Variants in SGSM1 observed in about 807,000 individuals in gnomAD.
SGSM1 encodes RUN and TBC1 domain containing 2.
Under a neutral mutation model 133.8 loss-of-function variants are expected in SGSM1, and 73 were observed. That is an observed-to-expected ratio of 0.55 (90% confidence interval 0.45 to 0.66). The LOEUF is 0.66. Ranked by LOEUF, SGSM1 falls within the 30% of genes least tolerant of loss-of-function variation. The pLI is 0.00. For missense variants in SGSM1, 1,213 were observed against 1,448.1 expected (o/e 0.84, Z 2.64); for synonymous variants, 563 against 573.0 (o/e 0.98, Z 0.25).
intron 2 of SGSM1, among the ~76,000 whole-genome samples, chr22:24,809,150 C>A (rs1009046524): frequency 6.6e-6 from 1 of 152,200 alleles, no homozygotes; most frequent in Non-Finnish European, 1.5e-5. Flanking sequence ...CCCCAAAGCA[C>A]GTCTCCCCTG....
chr22:24,900,376 TTTCTTTCTTTC>T (rs1933098208), intron 19 of SGSM1, among the ~76,000 whole-genome samples: 1 of 72,106 alleles, frequency 1.4e-5, no homozygotes, highest in South Asian at 5.0e-4. Context: ...TCTTTCTTTC[TTTCTTTCTTTC>T]TTTCTTTCTT....
chr22:24,837,586 C>CG (rs1555922707), intron 2 of SGSM1, among the ~76,000 whole-genome samples: 27,295 of 74,028 alleles, frequency 0.37, 3,371 homozygotes, highest in Middle Eastern at 0.42. Context: ...AGACCCCCCC[C>CG]CCCCCTTTCC....
chr22:24,847,821 G>T (rs1245411919), intron 4 of SGSM1, 25 bp downstream of exon 4: 2 of 1,609,098 alleles, frequency 1.2e-6, no homozygotes. Context: ...TGGGGCACAG[G>T]TGGGAGCAGC....
intron 8 of SGSM1, 121 bp from the exon 9 acceptor site, chr22:24,859,595 C>A (rs759152736): frequency 7.2e-7 from 1 of 1,392,594 alleles, no homozygotes; most frequent in Non-Finnish European, 9.9e-7. Flanking sequence ...TGGCCAGGGC[C>A]TTGAAGGGAT....
chr22:24,852,841 A>G (rs985275594), intron 5 of SGSM1, among the ~76,000 whole-genome samples: 1 of 152,130 alleles, frequency 6.6e-6, no homozygotes, highest in Non-Finnish European at 1.5e-5. Context: ...AAACTGGGTG[A>G]TGGCAAAGTG....
intron 15 of SGSM1, among the ~76,000 whole-genome samples, chr22:24,884,466 C>T (rs1456598157): frequency 1.3e-5 from 2 of 152,158 alleles, no homozygotes; most frequent in Non-Finnish European, 2.9e-5. Flanking sequence ...TATTATTAAG[C>T]ATCAGCTGGG....
chr22:24,840,029 G>A (rs569585103), intron 2 of SGSM1, among the ~76,000 whole-genome samples: 3 of 142,090 alleles, frequency 2.1e-5, no homozygotes, highest in East Asian at 2.1e-4. Flanking sequence ...TGCAAGCTCC[G>A]CCTCCCAGGT....
intron 21 of SGSM1, among the ~76,000 whole-genome samples, chr22:24,908,488 A>C (rs943379808): frequency 1.3e-5 from 2 of 152,176 alleles, no homozygotes; most frequent in Non-Finnish European, 2.9e-5. Flanking sequence ...ATATATAAAC[A>C]ACTCTTACAA....
At chr22:24,886,259 G>GTA (rs1717474432) in intron 15 of SGSM1, among the ~76,000 whole-genome samples, 1 of 151,100 alleles carries the variant, frequency 6.6e-6, no homozygotes, top group African/African-American at 2.4e-5. Flanking sequence ...AAATTAGCTG[G>GTA]ATGTGGTGGC....
rs377645874 is a variant in SGSM1, at chr22:24,874,504, G to A, written c.1292-2073G>A. The stretch of plus-strand genomic sequence containing the variant: ...TGCAGGCCGGTCCATGCTGGTGGTG[G>A]CCAGAGGGAGTCAGTGGGAGCCAGC... On this transcript the variant is annotated intron_variant, in intron 12 of 24. Transcript: ENST00000400358. 2.4e-5 allele frequency: 38 copies of A among 1,613,098 alleles called. No homozygotes were observed. The highest frequency in any genetic ancestry group is 3.1e-5 in the Non-Finnish European group (36 of 1,179,678).
intron 14 of SGSM1, among the ~76,000 whole-genome samples, chr22:24,880,349 G>C (rs1932256291): frequency 6.6e-6 from 1 of 152,082 alleles, no homozygotes; most frequent in African/African-American, 2.4e-5. Context: ...GGCCAGGCTG[G>C]TCTCGAACTC....
At chr22:24,920,687 GAAAA>G (rs55896939) in intron 24 of SGSM1, among the ~76,000 whole-genome samples, 30,131 of 152,030 alleles carry the variant, frequency 0.2, 3,833 homozygotes, top group East Asian at 0.55. Flanking sequence ...AAAAACAAAA[GAAAA>G]AAGCCAACTG....
chr22:24,900,340 C>CT (rs1036191488), intron 19 of SGSM1, among the ~76,000 whole-genome samples: 4 of 126,122 alleles, frequency 3.2e-5, no homozygotes, highest in Non-Finnish European at 6.5e-5. Flanking sequence ...TTGTTAACCT[C>CT]TTCTTTCTTT....
At chr22:24,862,504 G>A (rs1601933776) in intron 9 of SGSM1, among the ~76,000 whole-genome samples, 1 of 152,266 alleles carries the variant, frequency 6.6e-6, no homozygotes, top group Non-Finnish European at 1.5e-5. Context: ...GTCCCGTCTT[G>A]TTCGCTTCTT....
rs374322312 is a variant in SGSM1, at chr22:24,878,108, G to A, written c.1431-1354G>A. On this transcript the variant is annotated intron_variant, in intron 13 of 24. Coordinates refer to ENST00000400358, the MANE Select transcript of SGSM1 (RefSeq NM_001098497.3). The stretch of plus-strand genomic sequence containing the variant: ...TTACAGGCATGAGCCACCGCGCCCC[G>A]CCTGGAGATTCTCTTATCATGCATT... Among the ~76,000 whole-genome samples the A allele has an allele frequency of 4.6e-5, 7 of 152,196 alleles. No homozygotes were observed. The East Asian group carries it at 5.8e-4, about 13-fold the overall frequency.
intron 2 of SGSM1, among the ~76,000 whole-genome samples, chr22:24,818,443 A>T (rs73407218): frequency 6.7e-6 from 1 of 150,124 alleles, no homozygotes; most frequent in East Asian, 2.1e-4. Flanking sequence ...TCTCGGCTCA[A>T]TGAAGCCTCT....
intron 15 of SGSM1, among the ~76,000 whole-genome samples, chr22:24,885,090 A>AGGCATGCGCCACC (rs1391910445): frequency 3.1e-4 from 3 of 9,758 alleles, no homozygotes; most frequent in African/African-American, 2.8e-3. Flanking sequence ...CTGGGATTAC[A>AGGCATGCGCCACC]GTGCCTGGCC....
intron 19 of SGSM1, among the ~76,000 whole-genome samples, chr22:24,900,479 AAC>A (rs1433358978): frequency 7.0e-4 from 106 of 151,336 alleles, no homozygotes; most frequent in African/African-American, 2.6e-3. Flanking sequence ...GACTCACCGC[AAC>A]CTCCGCCTCC....
chr22:24,907,331 CTT>C (rs1192536976), intron 21 of SGSM1, among the ~76,000 whole-genome samples: 9 of 151,890 alleles, frequency 5.9e-5, no homozygotes, highest in Non-Finnish European at 1.3e-4. Context: ...TATGAGTAAA[CTT>C]AACAGAAATG....
Sources: allele counts gnomAD v4.1 joint callset (sites outside exome capture counted in the v4.1 genomes callset), GRCh38; gene constraint gnomAD v4.1.1; transcripts MANE v1.5; gene names NCBI Gene and HGNC (gene_info 2026-07-23, HGNC 2026-07-21).